Variants in SYCP2 observed in about 807,000 individuals in gnomAD.
The protein encoded by SYCP2 is synaptonemal complex protein 2, also known as synaptonemal complex lateral element protein.
Under a neutral mutation model 211.3 loss-of-function variants are expected in SYCP2, and 55 were observed. That is an observed-to-expected ratio of 0.26 (90% CI 0.21 to 0.33). The LOEUF (loss-of-function observed/expected upper bound fraction) is 0.33. SYCP2 is among the 10% of genes least tolerant of loss of function. The pLI, the probability that SYCP2 is intolerant of heterozygous loss-of-function variation, is 1.00. For synonymous variants in SYCP2, 570 were observed against 555.2 expected, an observed-to-expected ratio of 1.03 and a Z score of -0.37; for missense variants, 1,731 against 1,752.0, an observed-to-expected ratio of 0.99 and a Z score of 0.21.
intron 2 of SYCP2, among the ~76,000 whole-genome samples, chr20:59,925,678 A>G (rs941214506): frequency 6.6e-6 from 1 of 152,038 alleles, no homozygotes; most frequent in African/African-American, 2.4e-5. Context: ...TTGTTAACGT[A>G]TTGCCCTGGT....
chr20:59,889,679 T>C (rs1394628753), intron 24 of SYCP2, among the ~76,000 whole-genome samples: 1 of 152,002 alleles, frequency 6.6e-6, no homozygotes, highest in Non-Finnish European at 1.5e-5. Flanking sequence ...AGTGGTTTAC[T>C]TGTCTTGATA....
At chr20:59,891,890 C>A in intron 24 of SYCP2, 100 bp downstream of exon 24, 1 of 1,036,056 alleles carries the variant, frequency 9.7e-7, no homozygotes, top group Non-Finnish European at 1.4e-6. Flanking sequence ...AGGTATTACA[C>A]ATGTTAAATG....
chr20:59,867,870 TG>T, intron 38 of SYCP2, 23 bp from the exon 39 acceptor site: 1 of 1,552,100 alleles, frequency 6.4e-7, no homozygotes, highest in East Asian at 2.3e-5. Context: ...AACAATCTGC[TG>T]AAGTTAAAAT....
intron 34 of SYCP2, among the ~76,000 whole-genome samples, chr20:59,874,964 T>TA (rs530793055): frequency 0.012 from 1,747 of 151,602 alleles, 39 homozygotes; most frequent in African/African-American, 0.038. Context: ...TATATTGAGC[T>TA]AAAAAAAAGC....
rs975095151 is a variant in SYCP2 at position 59,863,583 on chromosome 20, C to A, written c.*728G>T. 2 of 151,906 alleles carry A rather than the reference C, an allele frequency of 1.3e-5. No homozygotes were observed. Among genetic ancestry groups the A allele is most frequent in the Non-Finnish European group, 2.9e-5 (2 of 67,894 alleles). 9.4% of individuals were successfully genotyped at this position (151,906 alleles called of 1,614,324 possible). ...AGGAATATAATGATTTATATTTATT[C>A]AAGTGACATAAGCATTTATTTCAAC... On this transcript the variant is annotated 3_prime_UTR_variant, in exon 45 of 45. Coordinates refer to ENST00000357552, the MANE Select transcript of SYCP2 (RefSeq NM_014258.4).
chr20:59,923,470 A>G (rs1399387938), intron 2 of SYCP2, among the ~76,000 whole-genome samples: 1 of 151,900 alleles, frequency 6.6e-6, no homozygotes, highest in African/African-American at 2.4e-5. Context: ...GTTTCTTACC[A>G]TCTCATTTTA....
chr20:59,886,747 T>G lies in SYCP2; in HGVS notation c.2452A>C (p.Ile818Leu). The G allele has an allele frequency of 6.3e-7, 1 of 1,585,856 alleles. No homozygotes were observed. The highest frequency in any genetic ancestry group is 1.2e-5 in the South Asian group (1 of 86,356). ...TCCTTTAATTTTCTTGTAGACTTGA[T>G]GTCATCTTTTGTTTTGTATCTTTTA... ...INKRYKTKDD[I>L]KSTRKLKESL... The change falls in exon 25 of 45, where the codon ATC becomes CTC. Residue 818 changes from isoleucine to leucine, a missense_variant. This residue lies in a region of SYCP2 where 1,387 missense variants were observed against 1,351.3 expected (regional missense o/e 1.03). Coordinates refer to ENST00000357552, the MANE Select transcript of SYCP2 (RefSeq NM_014258.4).
At chr20:59,905,043 C>T (rs1260201322) in intron 15 of SYCP2, among the ~76,000 whole-genome samples, 1 of 152,146 alleles carries the variant, frequency 6.6e-6, no homozygotes, top group East Asian at 1.9e-4. Flanking sequence ...TTAATTTCTA[C>T]TAACATTGTA....
intron 7 of SYCP2, 75 bp downstream of exon 7, chr20:59,919,083 T>G (rs1861167235): frequency 1.2e-6 from 1 of 804,708 alleles, no homozygotes. Flanking sequence ...GACAACACAA[T>G]GGGAATTGTA....
intron 24 of SYCP2, among the ~76,000 whole-genome samples, chr20:59,888,002 T>C (rs774452331): frequency 6.6e-6 from 1 of 151,970 alleles, no homozygotes; most frequent in Non-Finnish European, 1.5e-5. Flanking sequence ...TAGGCCTATA[T>C]CTATTAAAGA....
At chr20:59,869,349 C>T (rs576272122) in intron 36 of SYCP2, among the ~76,000 whole-genome samples, 1 of 151,884 alleles carries the variant, frequency 6.6e-6, no homozygotes, top group African/African-American at 2.4e-5. Context: ...ACTTAATCTA[C>T]ATATACCTAC....
rs188803800 is a variant in SYCP2, at chr20:59,875,157, C to T, written c.3349+114G>A. 1.7e-4 allele frequency: 109 copies of T among 649,382 alleles called. No homozygotes were observed. The African/African-American group carries it at 1.8e-3, about 10-fold the overall frequency. 40.2% of individuals were successfully genotyped at this position (649,382 alleles called of 1,614,324 possible). A position where few individuals can be genotyped will look rare whatever the true frequency, so the allele number is the denominator to read the frequency against. On this transcript the variant is annotated intron_variant, in intron 34 of 44. Coordinates refer to ENST00000357552, the MANE Select transcript of SYCP2 (RefSeq NM_014258.4). ...AATTAGCTTAACAATGAAGTTTTAA[C>T]TACTATAATTATAAATACCCCTCAA...
chr20:59,900,754 C>A lies in SYCP2; in HGVS notation c.1247G>T (p.Ser416Ile). ...AAGTCTGAGACATACCTGTGATCCA[C>A]TTGCGTCAAAAAGTATATGCAGCGA... ...KTSLHILFDA[S>I]GSQILVPESQ... is the part of the protein sequence containing the mutation. Residue 416 changes from serine to isoleucine, a missense_variant, in exon 17 of 45, where the codon AGT (serine) becomes ATT (isoleucine). Physicochemically the swap from Ser to Ile is moderately radical, Grantham distance 142. Coordinates refer to ENST00000357552, the MANE Select transcript of SYCP2 (RefSeq NM_014258.4). 6.2e-7 allele frequency: 1 copy of A among 1,612,596 alleles called. No individual in the cohort carries two copies. The highest frequency in any genetic ancestry group is 8.5e-7 in the Non-Finnish European group (1 of 1,179,082).
At position 59,931,019 on chromosome 20, in the gene SYCP2, T is replaced by C. The variant is rs143096403; in HGVS notation, c.-47+1043A>G. 5.3e-4 allele frequency among the ~76,000 whole-genome samples: 81 copies of C among 152,318 alleles called. No individual in the cohort carries two copies. The Middle Eastern group carries it at 0.02, about 38-fold the overall frequency. The stretch of plus-strand genomic sequence containing the variant: ...TGAACTATATATAGTAACTTATGAA[T>C]TATGTAAGTATTTTATCACTTATTC... On this transcript the variant is annotated intron_variant, in intron 2 of 44. Transcript: ENST00000357552.
chr20:59,875,973 G>C (rs1446817043), intron 33 of SYCP2, among the ~76,000 whole-genome samples: 2 of 152,078 alleles, frequency 1.3e-5, no homozygotes, highest in Non-Finnish European at 2.9e-5. Context: ...TTGATGCTCT[G>C]AATATCTGAC....
At chr20:59,922,560 CA>C in intron 2 of SYCP2, 101 bp from the exon 3 acceptor site, 1 of 506,500 alleles carries the variant, frequency 2.0e-6, no homozygotes, top group Non-Finnish European at 3.4e-6. Context: ...TTATTTATAC[CA>C]AAGGCAACAT....
At chr20:59,908,650 A>ATT (rs1367994715) in intron 14 of SYCP2, among the ~76,000 whole-genome samples, 25 of 152,194 alleles carry the variant, frequency 1.6e-4, no homozygotes, top group Non-Finnish European at 2.9e-4. Context: ...ACATAATGGC[A>ATT]ATTTTCAAAC....
intron 12 of SYCP2, among the ~76,000 whole-genome samples, chr20:59,912,694 T>C (rs2060354321): frequency 6.6e-6 from 1 of 152,222 alleles, no homozygotes; most frequent in Non-Finnish European, 1.5e-5. Flanking sequence ...TTTGGTTCTG[T>C]GTCCCCACCC....
intron 12 of SYCP2, 106 bp from the exon 13 acceptor site, chr20:59,912,524 C>A: frequency 4.4e-6 from 2 of 457,020 alleles, no homozygotes; most frequent in South Asian, 5.2e-5. Context: ...AGGCAGTGGT[C>A]ATAATAATTG....
Sources: gnomAD v4.1 joint callset for allele counts (sites outside exome capture counted in the v4.1 genomes callset) on GRCh38, gnomAD v4.1.1 for gene constraint, gnomAD v4.1.1 regional missense constraint, MANE v1.5 for transcripts, NCBI Gene and HGNC (gene_info 2026-07-23, HGNC 2026-07-21) for gene names.